GALNT13: variants seen among roughly 807,000 people sequenced by gnomAD.
GALNT13 encodes the protein UDP-GalNAc:polypeptide N-acetylgalactosaminyltransferase 13.
Under a neutral mutation model 64.2 loss-of-function variants are expected in GALNT13, and 28 were observed. That is an observed-to-expected ratio of 0.44 (90% CI 0.32 to 0.60). GALNT13 has a LOEUF of 0.60. GALNT13 is among the 20% of genes least tolerant of loss of function. The pLI is 0.05. For synonymous variants in GALNT13, 214 were observed against 224.6 expected, an observed-to-expected ratio of 0.95 and a Z score of 0.42; for missense variants, 577 against 669.8, an observed-to-expected ratio of 0.86 and a Z score of 1.53.
chr2:154,088,864 T>C (rs72870349), intron 3 of GALNT13, among the ~76,000 whole-genome samples: 2 of 152,176 alleles, frequency 1.3e-5, no homozygotes, highest in Non-Finnish European at 1.5e-5. Flanking sequence ...TGCATTATTG[T>C]GTTTAAAATT....
At chr2:153,181,076 A>C in the GALNT13 span, among the ~76,000 whole-genome samples, 1 of 22,012 alleles carries the variant, frequency 4.5e-5, no homozygotes, top group African/African-American at 2.2e-4. Context: ...TCCTTTTTCT[A>C]TTTTCCTGAG....
intron 3 of GALNT13, among the ~76,000 whole-genome samples, chr2:154,032,817 G>A (rs923121342): frequency 6.8e-6 from 1 of 147,444 alleles, no homozygotes; most frequent in African/African-American, 2.5e-5. Flanking sequence ...GGAAAGCTCA[G>A]TGCTTTTCCA....
At chr2:153,207,656 A>G in the GALNT13 span, among the ~76,000 whole-genome samples, 1 of 152,200 alleles carries the variant, frequency 6.6e-6, no homozygotes, top group Non-Finnish European at 1.5e-5. Context: ...CAATTTCAAA[A>G]TAATGATTTG....
intron 2 of GALNT13, among the ~76,000 whole-genome samples, chr2:153,908,602 T>G (rs759211906): frequency 2.0e-5 from 3 of 152,128 alleles, no homozygotes; most frequent in South Asian, 2.1e-4. Flanking sequence ...TTCAATCTTC[T>G]GCATATGGCT....
At chr2:153,575,353 G>C in the GALNT13 span, among the ~76,000 whole-genome samples, 12,879 of 152,178 alleles carry the variant, frequency 0.085, 587 homozygotes, top group South Asian at 0.18. Context: ...CCCAAGATCT[G>C]CTGTAAACCA....
At chr2:153,118,308 G>A in the GALNT13 span, among the ~76,000 whole-genome samples, 2 of 152,180 alleles carry the variant, frequency 1.3e-5, no homozygotes, top group Non-Finnish European at 2.9e-5. Context: ...CACTGTGCTA[G>A]TTCACAAGTC....
the GALNT13 span, among the ~76,000 whole-genome samples, chr2:153,486,808 CTTTCCA>C: frequency 6.6e-6 from 1 of 152,198 alleles, no homozygotes; most frequent in Non-Finnish European, 1.5e-5. Flanking sequence ...TTCACTCTGA[CTTTCCA>C]TGTACTCTTT....
At chr2:153,383,974 T>C in the GALNT13 span, among the ~76,000 whole-genome samples, 1 of 151,070 alleles carries the variant, frequency 6.6e-6, no homozygotes, top group African/African-American at 2.4e-5. Context: ...AGATAAGATA[T>C]TGACCTTGGG....
At chr2:153,986,178 T>G (rs1191160631) in intron 3 of GALNT13, among the ~76,000 whole-genome samples, 1 of 152,034 alleles carries the variant, frequency 6.6e-6, no homozygotes, top group Non-Finnish European at 1.5e-5. Context: ...AAGAGCTGGC[T>G]TCAAACCGTC....
intron 2 of GALNT13, among the ~76,000 whole-genome samples, chr2:153,921,686 A>G (rs1251325026): frequency 1.3e-5 from 2 of 152,170 alleles, no homozygotes; most frequent in African/African-American, 4.8e-5. Flanking sequence ...GAATGCAAGT[A>G]GAAATTATGA....
chr2:153,870,628 T>C (rs992747826), upstream of GALNT13, among the ~76,000 whole-genome samples: 2 of 151,676 alleles, frequency 1.3e-5, no homozygotes, highest in Non-Finnish European at 2.9e-5. Context: ...GAGACATTAA[T>C]ACAGTTATTA....
At chr2:153,272,125 A>T in the GALNT13 span, among the ~76,000 whole-genome samples, 1 of 152,216 alleles carries the variant, frequency 6.6e-6, no homozygotes, top group Non-Finnish European at 1.5e-5. Context: ...GATGGATTAA[A>T]GACTTAAACA....
the GALNT13 span, among the ~76,000 whole-genome samples, chr2:153,414,097 C>T: frequency 3.3e-5 from 5 of 152,100 alleles, no homozygotes; most frequent in South Asian, 2.1e-4. Context: ...AAATGATGGC[C>T]GGGCTCAGTG....
chr2:153,410,694 T>C, the GALNT13 span, among the ~76,000 whole-genome samples: 1 of 152,100 alleles, frequency 6.6e-6, no homozygotes, highest in Non-Finnish European at 1.5e-5. Flanking sequence ...GTAAAAAATG[T>C]AATAATAATC....
intron 4 of GALNT13, among the ~76,000 whole-genome samples, chr2:154,193,406 T>C (rs576746579): frequency 6.6e-6 from 1 of 152,276 alleles, no homozygotes; most frequent in South Asian, 2.1e-4. Flanking sequence ...TTAGGTCATC[T>C]CTCCTTGGGG....
the GALNT13 span, among the ~76,000 whole-genome samples, chr2:153,783,136 C>T: frequency 6.6e-6 from 1 of 152,054 alleles, no homozygotes; most frequent in African/African-American, 2.4e-5. Context: ...AAGAGTGAAG[C>T]CAGTTCATAT....
At chr2:153,297,396 A>G in the GALNT13 span, among the ~76,000 whole-genome samples, 1 of 152,206 alleles carries the variant, frequency 6.6e-6, no homozygotes, top group Non-Finnish European at 1.5e-5. Context: ...GTGAAAAGTT[A>G]CCTGAACATT....
the GALNT13 span, among the ~76,000 whole-genome samples, chr2:153,440,450 C>G: frequency 2.0e-5 from 3 of 152,086 alleles, no homozygotes; most frequent in African/African-American, 7.2e-5. Context: ...ATTTATAATC[C>G]TTTGAGTATA....
the GALNT13 span, among the ~76,000 whole-genome samples, chr2:153,823,248 A>AT: frequency 6.6e-6 from 1 of 152,136 alleles, no homozygotes; most frequent in South Asian, 2.1e-4. Flanking sequence ...TACCAATATC[A>AT]TTTTTCACAG....
Sources: allele counts gnomAD v4.1 joint callset (sites outside exome capture counted in the v4.1 genomes callset), GRCh38; gene constraint gnomAD v4.1.1; transcripts MANE v1.5; gene names NCBI Gene and HGNC (gene_info 2026-07-23, HGNC 2026-07-21).